The following HIF1A variants were observed in gnomAD, a reference collection of about 807,000 sequenced individuals.
HIF1A encodes the protein hypoxia-inducible factor 1-alpha.
HIF1A carries 24 observed loss-of-function variants against 92.7 expected under a neutral mutation model. That is an observed-to-expected ratio of 0.26 (90% CI 0.19 to 0.36). The LOEUF (loss-of-function observed/expected upper bound fraction) is 0.36. Ranked by LOEUF, HIF1A falls within the 10% of genes least tolerant of loss-of-function variation. The pLI, the probability that HIF1A is intolerant of heterozygous loss-of-function variation, is 1.00. For missense variants in HIF1A, 799 were observed against 998.5 expected, an observed-to-expected ratio of 0.80 and a Z score of 2.69; for synonymous variants, 319 against 338.7, an observed-to-expected ratio of 0.94 and a Z score of 0.64.
chr14:61,731,391 C>T (rs2044573714), intron 6 of HIF1A, among the ~76,000 whole-genome samples: 1 of 152,150 alleles, frequency 6.6e-6, no homozygotes, highest in Non-Finnish European at 1.5e-5. Context: ...AAGATCTAGT[C>T]TCTGTCTTAA....
At chr14:61,732,565 A>T (rs1237150050) in intron 7 of HIF1A, 41 bp downstream of exon 7, 2 of 1,224,046 alleles carry the variant, frequency 1.6e-6, no homozygotes, top group East Asian at 4.7e-5. Context: ...CTAATTACTT[A>T]ACTGTTGCAA....
chr14:61,724,079 T>C lies in HIF1A; in HGVS notation c.457+2256T>C, dbSNP rs1431090399. On this transcript the variant is annotated intron_variant, in intron 4 of 14. Coordinates refer to ENST00000337138, the MANE Select transcript of HIF1A (RefSeq NM_001530.4). ...CAAAATATGACTTATTTTTAGAGAG[T>C]TTAAAATTTAGGTTTTTTTAATGGT... Among the ~76,000 whole-genome samples the C allele has an allele frequency of 2.0e-5, 3 of 151,996 alleles. No individual in the cohort carries two copies. In the South Asian group the frequency reaches 6.2e-4, roughly 32 times the overall value.
chr14:61,695,969 C>G (rs1032964870), intron 1 of HIF1A, 130 bp downstream of exon 1: 7 of 792,282 alleles, frequency 8.8e-6, no homozygotes, highest in African/African-American at 1.8e-5. Flanking sequence ...TGCTGCTGCT[C>G]CCCTCCCCTC....
intron 12 of HIF1A, among the ~76,000 whole-genome samples, chr14:61,742,908 GTT>G (rs1297513686): frequency 2.0e-4 from 1 of 5,022 alleles, no homozygotes; most frequent in Non-Finnish European, 3.5e-3. Flanking sequence ...AAAAAAAAAA[GTT>G]GTTGGACTGA....
chr14:61,697,033 T>G (rs952449543), intron 1 of HIF1A, among the ~76,000 whole-genome samples: 2 of 152,202 alleles, frequency 1.3e-5, no homozygotes, highest in African/African-American at 4.8e-5. Flanking sequence ...ACTTAAGGAA[T>G]TGAAGATTTA....
At chr14:61,744,059 C>T (rs1262597263) in intron 12 of HIF1A, among the ~76,000 whole-genome samples, 20 of 152,194 alleles carry the variant, frequency 1.3e-4, no homozygotes, top group Non-Finnish European at 2.9e-5. Flanking sequence ...AAATGCTATA[C>T]GAATGTGAGA....
intron 1 of HIF1A, among the ~76,000 whole-genome samples, chr14:61,711,216 T>TC (rs1367546388): frequency 6.9e-6 from 1 of 144,056 alleles, no homozygotes; most frequent in Non-Finnish European, 1.5e-5. Flanking sequence ...CCTTTTTTTT[T>TC]TTTTTTTTTT....
chr14:61,713,905 G>T (rs1401535375), intron 1 of HIF1A, among the ~76,000 whole-genome samples: 2 of 152,140 alleles, frequency 1.3e-5, no homozygotes, highest in Non-Finnish European at 2.9e-5. Flanking sequence ...AGGACACCCA[G>T]TTGGTGTCCG....
rs111454344 is a variant in HIF1A at position 61,740,258 on chromosome 14, G to C, written c.1537-247G>C. 4.4e-3 allele frequency: 969 copies of C among 220,156 alleles called. 14 individuals are homozygous for C. Among genetic ancestry groups the C allele is most frequent in the African/African-American group, 0.02 (882 of 43,340 alleles). The allele number at this position is 220,156 out of a possible 1,614,324, so 13.6% of individuals were successfully genotyped here. On this transcript the variant is annotated intron_variant, in intron 10 of 14. Transcript: ENST00000337138. ...ATTTTTGTATTTTTAGTAGAGACGAGGTTTCACCATGTTGGCCAGGATGGT... is the reference window on the plus strand; with the variant it reads ...ATTTTTGTATTTTTAGTAGAGACGACGTTTCACCATGTTGGCCAGGATGGT...
At position 61,740,700 on chromosome 14, in the gene HIF1A, T is replaced by C. The variant is rs558136049; in HGVS notation, c.1660-55T>C. ...TGAAGTGACTTTGAGTTTCACTTGT[T>C]TTTTATTTATAAGGTGTGGCCATTG... On this transcript the variant is annotated intron_variant, in intron 11 of 14. Transcript: ENST00000337138. 281 of 1,548,810 alleles carry C rather than the reference T, an allele frequency of 1.8e-4. 3 individuals are homozygous for C. The East Asian group carries it at 6.1e-3, about 34-fold the overall frequency.
intron 14 of HIF1A, among the ~76,000 whole-genome samples, 161 bp downstream of exon 14, chr14:61,745,978 C>G (rs969395213): frequency 4.6e-5 from 7 of 152,074 alleles, no homozygotes; most frequent in Non-Finnish European, 1.0e-4. Flanking sequence ...AATCCCAGCA[C>G]TTTGGGAGGC....
intron 1 of HIF1A, among the ~76,000 whole-genome samples, chr14:61,708,700 A>G (rs1240589319): frequency 6.6e-6 from 1 of 152,116 alleles, no homozygotes; most frequent in Non-Finnish European, 1.5e-5. Flanking sequence ...TGTTTTGGTT[A>G]CTGCATCCTT....
At position 61,702,334 on chromosome 14, in the gene HIF1A, G is replaced by A. The variant is rs1008952256; in HGVS notation, c.35+6495G>A. Among the ~76,000 whole-genome samples the A allele has an allele frequency of 5.9e-4, 89 of 150,172 alleles. 1 individual carries two copies. The highest frequency in any genetic ancestry group is 9.5e-4 in the Non-Finnish European group (64 of 67,608). On this transcript the variant is annotated intron_variant, in intron 1 of 14. Coordinates refer to ENST00000337138, the MANE Select transcript of HIF1A (RefSeq NM_001530.4). ...CACATGCCTGTAATCCCAGCTACTC[G>A]GAGGCTGAGGCAGGAGAATCGCTTG...
In HIF1A at chr14:61,706,643, A is replaced by C. The variant is rs61997399; in HGVS notation, c.35+10804A>C. Among the ~76,000 whole-genome samples the C allele has an allele frequency of 8.8e-3, 1,342 of 152,214 alleles. 9 individuals carry two copies. Among genetic ancestry groups the C allele is most frequent in the Non-Finnish European group, 0.013 (914 of 68,004 alleles). ...CTTTAAGACCTGCTAATGTTTCTCA[A>C]ACTTCTGTGGTTAAATCACCTGAGT... On this transcript the variant is annotated intron_variant, in intron 1 of 14. Transcript: ENST00000337138.
At chr14:61,746,630 A>G (rs758757710) in intron 14 of HIF1A, among the ~76,000 whole-genome samples, 1 of 152,034 alleles carries the variant, frequency 6.6e-6, no homozygotes, top group Non-Finnish European at 1.5e-5. Flanking sequence ...CCTGGCCTCA[A>G]GTGATCCTCC....
chr14:61,738,392 T>C lies in HIF1A; in HGVS notation c.1536+19T>C. ...ACCTGAGGTAGGTGTCATGATATAATCAGAAAGGGACAACTTTCAGATTTT... is the reference window on the plus strand; with the variant it reads ...ACCTGAGGTAGGTGTCATGATATAACCAGAAAGGGACAACTTTCAGATTTT... On this transcript the variant is annotated intron_variant, in intron 10 of 14. Transcript: ENST00000337138. 1 of 1,550,126 alleles carries C rather than the reference T, an allele frequency of 6.5e-7. No homozygotes were observed. Among genetic ancestry groups the C allele is most frequent in the Non-Finnish European group, 8.7e-7 (1 of 1,147,694 alleles).
intron 10 of HIF1A, among the ~76,000 whole-genome samples, chr14:61,739,105 A>C (rs1266698053): frequency 3.3e-5 from 5 of 152,206 alleles, no homozygotes; most frequent in Non-Finnish European, 5.9e-5. Context: ...ACGAGGGTTT[A>C]AATGGGAAAG....
At chr14:61,718,195 G>A (rs939133340) in intron 1 of HIF1A, among the ~76,000 whole-genome samples, 3 of 152,122 alleles carry the variant, frequency 2.0e-5, no homozygotes, top group Admixed American at 6.5e-5. Flanking sequence ...GCTCAAGCCT[G>A]TAATTTGAGC....
chr14:61,727,415 T>C, intron 5 of HIF1A, 38 bp from the exon 6 acceptor site: 1 of 1,473,002 alleles, frequency 6.8e-7, no homozygotes, highest in Non-Finnish European at 9.5e-7. Flanking sequence ...CCTAGCATTG[T>C]AAATATTTTT....
Sources: allele counts gnomAD v4.1 joint callset (sites outside exome capture counted in the v4.1 genomes callset), GRCh38; gene constraint gnomAD v4.1.1; transcripts MANE v1.5; gene names NCBI Gene and HGNC (gene_info 2026-07-23, HGNC 2026-07-21).